Variants in GALNTL6 observed in about 807,000 individuals in gnomAD.
GALNTL6 encodes the protein polypeptide N-acetylgalactosaminyltransferase-like 6.
Under a neutral mutation model 73.7 loss-of-function variants are expected in GALNTL6, and 46 were observed. The observed-to-expected ratio is 0.62, with a 90% CI of 0.49 to 0.80. The LOEUF (loss-of-function observed/expected upper bound fraction) is 0.80, where lower values mean the gene tolerates loss of function less well. Ranked by LOEUF, GALNTL6 falls within the 30% of genes least tolerant of loss-of-function variation. The pLI, the probability that GALNTL6 is intolerant of heterozygous loss-of-function variation, is 0.00. For synonymous variants in GALNTL6, 259 were observed against 263.7 expected (o/e 0.98, Z 0.17); for missense variants, 604 against 755.0 (o/e 0.80, Z 2.34).
intron 2 of GALNTL6, among the ~76,000 whole-genome samples, chr4:171,852,909 C>G (rs947664913): frequency 2.0e-5 from 3 of 151,902 alleles, no homozygotes; most frequent in East Asian, 1.9e-4. Context: ...TGCAGTGGCC[C>G]GATCTCGGCT....
At chr4:172,968,964 C>T (rs1206315067) in intron 10 of GALNTL6, among the ~76,000 whole-genome samples, 1 of 151,984 alleles carries the variant, frequency 6.6e-6, no homozygotes. Context: ...AAATATAGTT[C>T]CAACACATAA....
At chr4:172,543,779 G>A (rs989412887) in intron 5 of GALNTL6, among the ~76,000 whole-genome samples, 5 of 152,166 alleles carry the variant, frequency 3.3e-5, no homozygotes, top group Non-Finnish European at 7.3e-5. Context: ...AATTATATAG[G>A]AGTATGCTAC....
intron 2 of GALNTL6, among the ~76,000 whole-genome samples, chr4:171,825,443 C>A (rs1560802867): frequency 6.6e-6 from 1 of 152,134 alleles, no homozygotes; most frequent in Non-Finnish European, 1.5e-5. Flanking sequence ...GATAGCCTAG[C>A]AGAATGGTGT....
In GALNTL6 at chr4:173,001,665, AC is replaced by A. The variant is rs201477367; in HGVS notation, c.1372-7512del. Among the ~76,000 whole-genome samples the A allele has an allele frequency of 3.9e-4, 59 of 152,366 alleles. 1 individual carries two copies. Among genetic ancestry groups the A allele is most frequent in the African/African-American group, 1.3e-3 (54 of 41,592 alleles). ...AATATATATTTTCAAAACTCCTTAAACAAAAATAAAACCACAAATGACTCAA... is the reference window on the plus strand; with the variant it reads ...AATATATATTTTCAAAACTCCTTAAAAAAAATAAAACCACAAATGACTCAA... On this transcript the variant is annotated intron_variant, in intron 10 of 12. Coordinates refer to ENST00000506823, the MANE Select transcript of GALNTL6 (RefSeq NM_001034845.3).
chr4:172,114,310 C>T (rs2110984838), intron 2 of GALNTL6, among the ~76,000 whole-genome samples: 1 of 152,122 alleles, frequency 6.6e-6, no homozygotes, highest in Middle Eastern at 3.4e-3. Context: ...GGTCAGGGCT[C>T]TTCTGGAGAA....
At chr4:172,921,379 G>A (rs1747781295) in intron 8 of GALNTL6, among the ~76,000 whole-genome samples, 1 of 152,156 alleles carries the variant, frequency 6.6e-6, no homozygotes, top group Non-Finnish European at 1.5e-5. Flanking sequence ...GTAACTGTAT[G>A]ATTCTATTGA....
chr4:172,849,532 A>C (rs1203352768), intron 7 of GALNTL6, among the ~76,000 whole-genome samples: 7 of 152,176 alleles, frequency 4.6e-5, no homozygotes. Flanking sequence ...GAATGAGCAA[A>C]TGAATGGCAT....
At chr4:172,960,886 C>T (rs1208037297) in intron 10 of GALNTL6, among the ~76,000 whole-genome samples, 1 of 151,918 alleles carries the variant, frequency 6.6e-6, no homozygotes, top group Non-Finnish European at 1.5e-5. Context: ...TGGAAGGCTG[C>T]CCATAGTGAA....
intron 5 of GALNTL6, among the ~76,000 whole-genome samples, chr4:172,600,275 A>G (rs1029548992): frequency 6.6e-6 from 1 of 152,122 alleles, no homozygotes; most frequent in African/African-American, 2.4e-5. Context: ...ATCTTTAACA[A>G]AAGATTTCAA....
At chr4:172,209,221 T>C (rs836304) in intron 2 of GALNTL6, among the ~76,000 whole-genome samples, 150,043 of 152,152 alleles carry the variant, frequency 0.99, 74,024 homozygotes, top group Non-Finnish European at 1. Flanking sequence ...ACTTCTGATG[T>C]GAACAATTTC....
intron 3 of GALNTL6, among the ~76,000 whole-genome samples, chr4:172,273,851 A>C (rs762964902): frequency 1.3e-5 from 2 of 152,176 alleles, no homozygotes; most frequent in African/African-American, 4.8e-5. Context: ...AAAAGAAGGC[A>C]TTGGTGACCT....
At chr4:171,942,267 T>TAAAA (rs373870884) in intron 2 of GALNTL6, among the ~76,000 whole-genome samples, 2 of 148,006 alleles carry the variant, frequency 1.4e-5, no homozygotes, top group African/African-American at 4.9e-5. Flanking sequence ...AATAAATAAA[T>TAAAA]ATAATATACA....
chr4:172,124,970 T>C (rs1165597704), intron 2 of GALNTL6, among the ~76,000 whole-genome samples: 1 of 152,138 alleles, frequency 6.6e-6, no homozygotes, highest in South Asian at 2.1e-4. Flanking sequence ...TTTGCTTTTT[T>C]AGGCCTTCAA....
At chr4:172,532,446 G>A (rs1735198745) in intron 5 of GALNTL6, among the ~76,000 whole-genome samples, 1 of 152,166 alleles carries the variant, frequency 6.6e-6, no homozygotes, top group Admixed American at 6.5e-5. Flanking sequence ...TGAGTTTGGA[G>A]TTCTAGTCTC....
intron 10 of GALNTL6, among the ~76,000 whole-genome samples, chr4:172,981,753 G>A (rs1369674535): frequency 6.7e-6 from 1 of 149,926 alleles, no homozygotes; most frequent in Non-Finnish European, 1.5e-5. Context: ...ATATTGATAG[G>A]ACTTGCATTA....
chr4:172,703,633 G>A (rs1489365826), intron 5 of GALNTL6, among the ~76,000 whole-genome samples: 1 of 151,896 alleles, frequency 6.6e-6, no homozygotes, highest in Non-Finnish European at 1.5e-5. Flanking sequence ...TCTTTATCAG[G>A]GATATTGGAA....
At chr4:172,691,818 AAGAC>A (rs1226559545) in intron 5 of GALNTL6, among the ~76,000 whole-genome samples, 1 of 152,210 alleles carries the variant, frequency 6.6e-6, no homozygotes, top group African/African-American at 2.4e-5. Context: ...AAACCAGAAA[AAGAC>A]AGAATTATAG....
At chr4:172,709,169 G>A (rs1251670494) in intron 5 of GALNTL6, among the ~76,000 whole-genome samples, 1 of 151,978 alleles carries the variant, frequency 6.6e-6, no homozygotes, top group Non-Finnish European at 1.5e-5. Context: ...GGCCTTCTTG[G>A]TCTCTCCTCT....
chr4:172,441,640 A>G (rs1321093408), intron 5 of GALNTL6, among the ~76,000 whole-genome samples: 2 of 152,174 alleles, frequency 1.3e-5, no homozygotes, highest in East Asian at 3.8e-4. Flanking sequence ...TCCTAAGCAC[A>G]AAGAAGGCTG....
Sources: gnomAD v4.1 joint callset for allele counts (sites outside exome capture counted in the v4.1 genomes callset) on GRCh38, gnomAD v4.1.1 for gene constraint, MANE v1.5 for transcripts, NCBI Gene and HGNC (gene_info 2026-07-23, HGNC 2026-07-21) for gene names.